The following PRKCE variants were observed in gnomAD, a reference collection of about 807,000 sequenced individuals.
The protein encoded by PRKCE is protein kinase C epsilon.
In PRKCE, 16 loss-of-function variants were observed where a neutral mutation model predicts 85.4. The ratio of observed to expected loss-of-function variants is 0.19; its 90% confidence interval spans 0.13 to 0.28. The LOEUF (loss-of-function observed/expected upper bound fraction) is 0.28. Ranked by LOEUF, PRKCE falls within the 10% of genes least tolerant of loss-of-function variation. The probability of loss-of-function intolerance (pLI) is 1.00; values close to 1 mark genes in which losing one functional copy is unlikely to be tolerated. For synonymous variants in PRKCE, 388 were observed against 371.5 expected, an observed-to-expected ratio of 1.04 and a Z score of -0.51; for missense variants, 573 against 975.2, an observed-to-expected ratio of 0.59 and a Z score of 5.49.
At chr2:45,743,495 G>C (rs1481236073) in intron 1 of PRKCE, among the ~76,000 whole-genome samples, 1 of 151,424 alleles carries the variant, frequency 6.6e-6, no homozygotes, top group African/African-American at 2.4e-5. Context: ...AGGAGCTTTC[G>C]AGAGTAGACT....
intron 1 of PRKCE, among the ~76,000 whole-genome samples, chr2:45,674,484 C>G (rs1676327158): frequency 6.6e-6 from 1 of 152,190 alleles, no homozygotes; most frequent in Admixed American, 6.5e-5. Context: ...TACTCTGTGT[C>G]AAGGGCTAGG....
chr2:45,956,750 C>A (rs1220744894), intron 2 of PRKCE, among the ~76,000 whole-genome samples: 1 of 152,152 alleles, frequency 6.6e-6, no homozygotes, highest in Non-Finnish European at 1.5e-5. Flanking sequence ...GTATTCTGAC[C>A]AGCAATGCAT....
At chr2:46,134,083 A>G (rs1674720893) in intron 11 of PRKCE, among the ~76,000 whole-genome samples, 1 of 152,188 alleles carries the variant, frequency 6.6e-6, no homozygotes, top group African/African-American at 2.4e-5. Context: ...AGTTTTAATA[A>G]TTTTCAATAA....
chr2:45,986,242 C>T (rs995021521), intron 6 of PRKCE, among the ~76,000 whole-genome samples: 2 of 152,218 alleles, frequency 1.3e-5, no homozygotes, highest in African/African-American at 4.8e-5. Flanking sequence ...TCACTAGGAA[C>T]CTCAGCAGGA....
chr2:46,076,626 C>T (rs758249186), intron 10 of PRKCE, among the ~76,000 whole-genome samples: 2 of 152,086 alleles, frequency 1.3e-5, no homozygotes. Context: ...GAAATTTTTA[C>T]TTTCTCAACC....
At chr2:46,177,379 T>G (rs550280847) in intron 14 of PRKCE, among the ~76,000 whole-genome samples, 1 of 152,336 alleles carries the variant, frequency 6.6e-6, no homozygotes, top group African/African-American at 2.4e-5. Context: ...CAACAGAAAT[T>G]TATGATCTCA....
At chr2:45,805,868 G>A (rs1290370337) in intron 1 of PRKCE, among the ~76,000 whole-genome samples, 2 of 152,124 alleles carry the variant, frequency 1.3e-5, no homozygotes, top group Non-Finnish European at 2.9e-5. Context: ...CAAAGTGCTG[G>A]GATTACAGGC....
intron 13 of PRKCE, among the ~76,000 whole-genome samples, chr2:46,154,497 G>T (rs1244035787): frequency 1.0e-5 from 1 of 99,580 alleles, no homozygotes; most frequent in African/African-American, 3.9e-5. Context: ...ATTTCTCCTC[G>T]GCCCCCTGTG....
chr2:45,848,943 A>G (rs975532785), intron 2 of PRKCE, among the ~76,000 whole-genome samples: 3 of 152,162 alleles, frequency 2.0e-5, no homozygotes, highest in African/African-American at 7.2e-5. Context: ...GGCAGGGAAG[A>G]AGTGGAGAGA....
chr2:45,998,846 T>G (rs1034297454), intron 6 of PRKCE, among the ~76,000 whole-genome samples: 10 of 152,224 alleles, frequency 6.6e-5, no homozygotes, highest in Non-Finnish European at 1.2e-4. Context: ...TACTTTCTTT[T>G]TTACTTATTT....
At chr2:45,928,516 C>G (rs907553926) in intron 2 of PRKCE, among the ~76,000 whole-genome samples, 1 of 152,160 alleles carries the variant, frequency 6.6e-6, no homozygotes, top group Admixed American at 6.5e-5. Flanking sequence ...CAATTCTGCC[C>G]GCCTCGGCTT....
At chr2:45,858,249 G>T (rs555200200) in intron 2 of PRKCE, among the ~76,000 whole-genome samples, 9 of 152,318 alleles carry the variant, frequency 5.9e-5, no homozygotes, top group African/African-American at 2.2e-4. Context: ...GCCTGGAGAA[G>T]AACCTATTTT....
chr2:45,913,873 T>G (rs764955997), intron 2 of PRKCE, among the ~76,000 whole-genome samples: 3 of 152,220 alleles, frequency 2.0e-5, no homozygotes, highest in Non-Finnish European at 4.4e-5. Flanking sequence ...TTCTAGGACT[T>G]CCCTTGTAAG....
At chr2:46,037,672 G>C (rs1407262072) in intron 10 of PRKCE, among the ~76,000 whole-genome samples, 5 of 152,146 alleles carry the variant, frequency 3.3e-5, no homozygotes, top group Non-Finnish European at 7.3e-5. Flanking sequence ...CCTTTCTTCT[G>C]AGGGCAGGAT....
intron 10 of PRKCE, among the ~76,000 whole-genome samples, chr2:46,075,164 C>T (rs2103779712): frequency 6.6e-6 from 1 of 152,206 alleles, no homozygotes; most frequent in South Asian, 2.1e-4. Flanking sequence ...CCTGAGCCTC[C>T]CGAGTAGCTG....
Position 45,907,106 on chromosome 2 carries a change from C to T in PRKCE, c.412+64043C>T, listed in dbSNP as rs75371019. On this transcript the variant is annotated intron_variant, in intron 2 of 14. Coordinates refer to ENST00000306156, the MANE Select transcript of PRKCE (RefSeq NM_005400.3). The surrounding 1 kb of genome is among the most constrained non-coding windows in gnomAD (Gnocchi z 4.5). ...GGAAGGAAGGCGGTCAGAGGGTACA[C>T]GCTCCATGTTAAATTTCTGAGGAGC... Among the ~76,000 whole-genome samples, 1,711 of 152,226 alleles carry T rather than the reference C, an allele frequency of 0.011. 38 individuals carry two copies. The highest frequency in any genetic ancestry group is 0.038 in the African/African-American group (1,590 of 41,504).
intron 5 of PRKCE, among the ~76,000 whole-genome samples, chr2:45,983,078 G>A (rs920801802): frequency 6.6e-6 from 1 of 152,220 alleles, no homozygotes; most frequent in African/African-American, 2.4e-5. Context: ...CTAAGAATGG[G>A]TGAGTATAGT....
chr2:45,999,919 T>C (rs1464118213), intron 6 of PRKCE, among the ~76,000 whole-genome samples: 1 of 152,234 alleles, frequency 6.6e-6, no homozygotes, highest in South Asian at 2.1e-4. Context: ...TCATTTCTGT[T>C]AGTGTTTTTG....
chr2:46,121,719 A>G (rs561407469), intron 11 of PRKCE, among the ~76,000 whole-genome samples: 1 of 152,204 alleles, frequency 6.6e-6, no homozygotes, highest in Non-Finnish European at 1.5e-5. Flanking sequence ...GCACATTTGA[A>G]CTGACAACAG....
Sources: gnomAD v4.1 joint callset for allele counts (sites outside exome capture counted in the v4.1 genomes callset) on GRCh38, gnomAD v4.1.1 for gene constraint, Gnocchi (gnomAD v3.1) non-coding constraint, MANE v1.5 for transcripts, NCBI Gene and HGNC (gene_info 2026-07-23, HGNC 2026-07-21) for gene names.